GRIK2: variants seen among roughly 807,000 people sequenced by gnomAD.
GRIK2 encodes glutamate ionotropic receptor kainate type subunit 2.
GRIK2 carries 32 observed loss-of-function variants against 100.3 expected under a neutral mutation model. The observed-to-expected ratio is 0.32, with a 90% CI of 0.24 to 0.43. The LOEUF is 0.43. Ranked by LOEUF, GRIK2 falls within the 20% of genes least tolerant of loss-of-function variation. The pLI is 1.00. For missense variants in GRIK2, 843 were observed against 1,114.9 expected, an observed-to-expected ratio of 0.76 and a Z score of 3.47; for synonymous variants, 417 against 389.4, an observed-to-expected ratio of 1.07 and a Z score of -0.83.
intron 2 of GRIK2, among the ~76,000 whole-genome samples, chr6:101,434,027 A>G (rs1028627466): frequency 3.3e-5 from 5 of 152,346 alleles, no homozygotes; most frequent in African/African-American, 1.2e-4. Flanking sequence ...ATTTTACTGT[A>G]GCCCGCTGAC....
chr6:101,985,018 G>T (rs1793941704), intron 14 of GRIK2, among the ~76,000 whole-genome samples: 1 of 151,460 alleles, frequency 6.6e-6, no homozygotes, highest in South Asian at 2.1e-4. Context: ...TAAACCCAAG[G>T]CTTCACATAA....
At chr6:102,031,073 C>A (rs939424389) in intron 14 of GRIK2, among the ~76,000 whole-genome samples, 1 of 111,588 alleles carries the variant, frequency 9.0e-6, no homozygotes, top group Non-Finnish European at 1.8e-5. Flanking sequence ...AAGTATTATG[C>A]ATTACACACA....
intron 16 of GRIK2, among the ~76,000 whole-genome samples, chr6:102,064,731 T>C (rs894623001): frequency 6.6e-6 from 1 of 151,208 alleles, no homozygotes; most frequent in Admixed American, 6.6e-5. Flanking sequence ...AAACTCTGTA[T>C]AGTTTCAGCT....
intron 2 of GRIK2, among the ~76,000 whole-genome samples, chr6:101,436,418 A>G (rs1769716846): frequency 6.6e-6 from 1 of 151,816 alleles, no homozygotes; most frequent in Non-Finnish European, 1.5e-5. Context: ...AAATTTTTTT[A>G]GCTGCAAGGC....
In GRIK2 at chr6:101,414,130, G is replaced by A. The variant is rs1297070431; in HGVS notation, c.115+14738G>A. ...GTGTGACAAGTGCACACAATAATAT[G>A]TAAATATTCTAACATGAAGGGAGGC... On this transcript the variant is annotated intron_variant, in intron 2 of 16. Transcript: ENST00000369134. 4.6e-5 allele frequency among the ~76,000 whole-genome samples: 7 copies of A among 152,270 alleles called. No homozygotes were observed. In the South Asian group the frequency reaches 8.3e-4, roughly 18 times the overall value.
At chr6:101,543,812 A>G (rs528270967) in intron 2 of GRIK2, among the ~76,000 whole-genome samples, 3 of 152,352 alleles carry the variant, frequency 2.0e-5, no homozygotes, top group Non-Finnish European at 4.4e-5. Flanking sequence ...AATGCTACAT[A>G]CATTTTGCTA....
chr6:101,980,002 T>C (rs1233782431), intron 14 of GRIK2, among the ~76,000 whole-genome samples: 5 of 152,074 alleles, frequency 3.3e-5, no homozygotes, highest in Middle Eastern at 6.8e-3. Context: ...AACTGGAGGC[T>C]TAGATTTGCT....
At chr6:101,758,846 T>A (rs1777302817) in intron 7 of GRIK2, among the ~76,000 whole-genome samples, 2 of 152,124 alleles carry the variant, frequency 1.3e-5, no homozygotes, top group Middle Eastern at 3.2e-3. Flanking sequence ...ATAGGAAAGC[T>A]TTTTGGAGAC....
chr6:101,874,078 T>C (rs1409595820), intron 11 of GRIK2, among the ~76,000 whole-genome samples: 1 of 152,218 alleles, frequency 6.6e-6, no homozygotes, highest in Non-Finnish European at 1.5e-5. Flanking sequence ...TTTCTTTTGC[T>C]GTGCAGAAGC....
intron 2 of GRIK2, among the ~76,000 whole-genome samples, chr6:101,429,086 A>G (rs1203009983): frequency 5.9e-5 from 9 of 152,162 alleles, no homozygotes; most frequent in Non-Finnish European, 1.0e-4. Context: ...ATCTAATTAT[A>G]TGTTCTCTTG....
At chr6:101,951,397 A>G (rs1791596597) in intron 14 of GRIK2, among the ~76,000 whole-genome samples, 3 of 152,230 alleles carry the variant, frequency 2.0e-5, no homozygotes, top group Non-Finnish European at 4.4e-5. Context: ...AGTAAAATCA[A>G]TTGTTGAAGT....
At chr6:101,517,293 G>T (rs909293707) in intron 2 of GRIK2, among the ~76,000 whole-genome samples, 2 of 152,078 alleles carry the variant, frequency 1.3e-5, no homozygotes, top group East Asian at 1.9e-4. Context: ...AAAACTTTAA[G>T]AAAGTCACTT....
intron 11 of GRIK2, among the ~76,000 whole-genome samples, chr6:101,867,634 A>C (rs1785133780): frequency 1.3e-5 from 2 of 151,858 alleles, no homozygotes; most frequent in Admixed American, 6.6e-5. Flanking sequence ...AATAGTTCTC[A>C]AATATAAATG....
chr6:101,829,208 A>G (rs771577585), intron 10 of GRIK2, among the ~76,000 whole-genome samples: 6 of 152,032 alleles, frequency 3.9e-5, no homozygotes, highest in Non-Finnish European at 8.8e-5. Flanking sequence ...AAAATACAAC[A>G]TCATTTCATA....
intron 12 of GRIK2, among the ~76,000 whole-genome samples, chr6:101,897,061 A>G (rs1787506285): frequency 6.6e-6 from 1 of 151,326 alleles, no homozygotes; most frequent in Admixed American, 6.6e-5. Flanking sequence ...CACATCTGAT[A>G]AGAGCAGCAC....
At chr6:101,947,419 A>G (rs1791348287) in intron 14 of GRIK2, among the ~76,000 whole-genome samples, 1 of 152,202 alleles carries the variant, frequency 6.6e-6, no homozygotes, top group African/African-American at 2.4e-5. Flanking sequence ...ATGTTGGAAT[A>G]TCATTATTTT....
rs745663188 is a variant in GRIK2, at chr6:102,035,565, G to T, written c.2310G>T (p.Met770Ile). The T allele has an allele frequency of 2.6e-5, 40 of 1,547,324 alleles. No homozygotes were observed. The Admixed American group carries it at 6.6e-4, about 25-fold the overall frequency. ...AAGGTTATGGCGTTGGCACTCCCAT[G>T]GGTAGGTTATATGTCAGCTCTTTGT... ...DSKGYGVGTPMGSPYRDKITI... is the reference protein window; with the variant it reads ...DSKGYGVGTPIGSPYRDKITI... The change falls in exon 15 of 17, where the codon ATG (methionine) becomes ATT (isoleucine). Residue 770 changes from methionine to isoleucine, a missense_variant and splice_region_variant. Met to Ile is a conservative substitution (Grantham distance 10). Transcript: ENST00000369134.
intron 2 of GRIK2, among the ~76,000 whole-genome samples, chr6:101,576,914 T>C (rs1158491382): frequency 6.6e-6 from 1 of 152,026 alleles, no homozygotes; most frequent in Non-Finnish European, 1.5e-5. Context: ...TTGTAGTACA[T>C]AGCGGAGGCC....
At chr6:101,663,745 A>G (rs1769808117) in intron 4 of GRIK2, among the ~76,000 whole-genome samples, 1 of 152,192 alleles carries the variant, frequency 6.6e-6, no homozygotes, top group Non-Finnish European at 1.5e-5. Flanking sequence ...CATTGCTGTG[A>G]TGCATTTCTG....
Sources: allele counts gnomAD v4.1 joint callset (sites outside exome capture counted in the v4.1 genomes callset), GRCh38; gene constraint gnomAD v4.1.1; transcripts MANE v1.5; gene names NCBI Gene and HGNC (gene_info 2026-07-23, HGNC 2026-07-21).